NCK2: variants seen among roughly 807,000 people sequenced by gnomAD.
NCK2 encodes cytoplasmic protein NCK2.
NCK2 carries 16 observed loss-of-function variants against 33.9 expected under a neutral mutation model. The observed-to-expected ratio is 0.47, with a 90% CI of 0.32 to 0.72. The LOEUF (loss-of-function observed/expected upper bound fraction) is 0.72, where lower values mean the gene tolerates loss of function less well. NCK2 is among the 30% of genes least tolerant of loss of function. The pLI is 0.03. For missense variants in NCK2, 418 were observed against 537.3 expected, an observed-to-expected ratio of 0.78 and a Z score of 2.19; for synonymous variants, 273 against 239.9, an observed-to-expected ratio of 1.14 and a Z score of -1.27.
rs756622014 is a variant in NCK2 at position 105,881,638 on chromosome 2, C to T, written c.537C>T (p.Phe179=). The T allele has an allele frequency of 6.2e-7, 1 of 1,613,456 alleles. No homozygotes were observed. Among genetic ancestry groups the T allele is most frequent in the South Asian group, 1.1e-5 (1 of 91,030 alleles). The change falls in exon 4 of 5, where the codon TTC becomes TTT. Residue 179 remains phenylalanine (F), a synonymous_variant. Coordinates refer to ENST00000233154, the MANE Select transcript of NCK2 (RefSeq NM_003581.5). ...VDEAAAESPS[F]LSLRKGASLS... ...AGGCGGCTGCGGAGTCCCCAAGCTTCCTGAGCCTGCGCAAGGGCGCCTCGC... is the reference window on the plus strand; with the variant it reads ...AGGCGGCTGCGGAGTCCCCAAGCTTTCTGAGCCTGCGCAAGGGCGCCTCGC...
chr2:105,880,610 G>A (rs566067822), intron 3 of NCK2, among the ~76,000 whole-genome samples: 58 of 152,228 alleles, frequency 3.8e-4, no homozygotes, highest in Middle Eastern at 6.8e-3. Flanking sequence ...GAGTTCTAAC[G>A]GGTCTTTGAA....
chr2:105,760,451 C>A (rs1689731970), intron 1 of NCK2, among the ~76,000 whole-genome samples: 2 of 152,166 alleles, frequency 1.3e-5, no homozygotes, highest in Admixed American at 1.3e-4. Flanking sequence ...TGTGGATTAG[C>A]ACTTGAACCC....
At position 105,830,250 on chromosome 2, in the gene NCK2, T is replaced by C. The variant is rs139553691; in HGVS notation, c.-17+13637T>C. 1.5e-3 allele frequency among the ~76,000 whole-genome samples: 225 copies of C among 152,276 alleles called. 1 individual carries two copies. The highest frequency in any genetic ancestry group is 4.5e-3 in the African/African-American group (189 of 41,548). ...TCTCCCCACCCTTCCCCACCTCTAG[T>C]AACCTCTATTCTATTCTCTACTTTT... On this transcript the variant is annotated intron_variant, in intron 2 of 4. Transcript: ENST00000233154.
chr2:105,787,800 G>A (rs1690732791), intron 1 of NCK2, among the ~76,000 whole-genome samples: 2 of 152,176 alleles, frequency 1.3e-5, no homozygotes, highest in Non-Finnish European at 2.9e-5. Context: ...GAGGGAATGG[G>A]TAGATGGGAA....
At chr2:105,833,155 C>T (rs1407467959) in intron 2 of NCK2, among the ~76,000 whole-genome samples, 3 of 151,444 alleles carry the variant, frequency 2.0e-5, no homozygotes, top group Admixed American at 6.6e-5. Context: ...AGTGTAGTGG[C>T]GTGATCTCTG....
intron 2 of NCK2, 82 bp downstream of exon 2, chr2:105,816,695 A>G (rs1192444452): frequency 2.0e-5 from 3 of 152,220 alleles, no homozygotes; most frequent in Admixed American, 6.5e-5. Flanking sequence ...GTTTAGTAAA[A>G]TATCAGTCAG....
chr2:105,844,744 G>T (rs1440690611), intron 2 of NCK2, among the ~76,000 whole-genome samples: 1 of 65,888 alleles, frequency 1.5e-5, no homozygotes, highest in Non-Finnish European at 2.8e-5. Flanking sequence ...TGGGGCGGGG[G>T]GGGATATATA....
intron 2 of NCK2, among the ~76,000 whole-genome samples, chr2:105,838,036 G>C (rs1489078177): frequency 6.6e-6 from 1 of 151,606 alleles, no homozygotes; most frequent in Non-Finnish European, 1.5e-5. Context: ...TTTGATCTAT[G>C]AAAATCAATA....
At chr2:105,837,357 TGTA>T (rs1350657373) in intron 2 of NCK2, among the ~76,000 whole-genome samples, 4 of 152,228 alleles carry the variant, frequency 2.6e-5, no homozygotes, top group African/African-American at 4.8e-5. Context: ...AATGGATCTA[TGTA>T]GTATGCAGTC....
At chr2:105,804,580 G>T (rs1196708179) in intron 1 of NCK2, among the ~76,000 whole-genome samples, 3 of 152,180 alleles carry the variant, frequency 2.0e-5, no homozygotes, top group Non-Finnish European at 4.4e-5. Flanking sequence ...TGGCTTTATG[G>T]ATGGCATTAA....
intron 1 of NCK2, among the ~76,000 whole-genome samples, chr2:105,747,040 C>G (rs573379909): frequency 4.0e-4 from 61 of 152,314 alleles, no homozygotes; most frequent in African/African-American, 1.4e-3. Context: ...GCATAACCCC[C>G]TCTGTCCACT....
chr2:105,747,265 A>C (rs1689316016), intron 1 of NCK2, among the ~76,000 whole-genome samples: 1 of 152,216 alleles, frequency 6.6e-6, no homozygotes, highest in South Asian at 2.1e-4. Flanking sequence ...TTATGTACAC[A>C]GTACTATATT....
chr2:105,838,993 T>G (rs1288752931), intron 2 of NCK2, among the ~76,000 whole-genome samples: 3 of 152,272 alleles, frequency 2.0e-5, no homozygotes, highest in African/African-American at 7.2e-5. Flanking sequence ...GCGGCAGCTA[T>G]TTTATATGAG....
chr2:105,841,291 G>T (rs1160116895), intron 2 of NCK2, among the ~76,000 whole-genome samples: 1 of 152,110 alleles, frequency 6.6e-6, no homozygotes, highest in African/African-American at 2.4e-5. Context: ...AAAACAGATG[G>T]CTCTGTGGCT....
At chr2:105,883,441 T>G (rs1678590913) in intron 4 of NCK2, among the ~76,000 whole-genome samples, 2 of 152,232 alleles carry the variant, frequency 1.3e-5, no homozygotes, top group Admixed American at 1.3e-4. Flanking sequence ...TGATCTTGGC[T>G]TAAAATTTTT....
intron 1 of NCK2, among the ~76,000 whole-genome samples, chr2:105,761,230 C>T (rs964126793): frequency 4.6e-5 from 7 of 152,096 alleles, no homozygotes; most frequent in Non-Finnish European, 7.3e-5. Flanking sequence ...GTGGTATGGA[C>T]GGGGCAGGCG....
chr2:105,822,896 G>A (rs1414460929), intron 2 of NCK2, among the ~76,000 whole-genome samples: 6 of 152,098 alleles, frequency 3.9e-5, no homozygotes, highest in South Asian at 2.1e-4. Flanking sequence ...ACGGCCCAGC[G>A]TTGGATGGTG....
chr2:105,865,555 A>G (rs1358650533), intron 3 of NCK2, among the ~76,000 whole-genome samples: 3 of 152,142 alleles, frequency 2.0e-5, no homozygotes, highest in African/African-American at 7.2e-5. Flanking sequence ...CTAGCCCCCA[A>G]AATGCTAAGG....
chr2:105,829,620 T>C (rs1558858769), intron 2 of NCK2, among the ~76,000 whole-genome samples: 1 of 152,132 alleles, frequency 6.6e-6, no homozygotes. Context: ...AGTCCCCCAA[T>C]TGAGAGTTGT....
Sources: gnomAD v4.1 joint callset for allele counts (sites outside exome capture counted in the v4.1 genomes callset) on GRCh38, gnomAD v4.1.1 for gene constraint, MANE v1.5 for transcripts, NCBI Gene and HGNC (gene_info 2026-07-23, HGNC 2026-07-21) for gene names.